The following NEDD9 variants were observed in gnomAD, a reference collection of about 807,000 sequenced individuals.
NEDD9 encodes enhancer of filamentation 1.
A neutral mutation model predicts 76.6 loss-of-function variants in NEDD9; 26 were observed. The observed-to-expected ratio is 0.34, with a 90% CI of 0.25 to 0.47. The LOEUF (loss-of-function observed/expected upper bound fraction) is 0.47. Among genes scored for constraint, NEDD9 ranks in the 20% least tolerant of loss-of-function variants. NEDD9 has a pLI of 1.00. For missense variants in NEDD9, 937 were observed against 1,058.5 expected (o/e 0.89, Z 1.59); for synonymous variants, 392 against 414.2 (o/e 0.95, Z 0.65).
At chr6:11,255,162 T>C (rs955066170) in intron 3 of NEDD9, among the ~76,000 whole-genome samples, 1 of 152,154 alleles carries the variant, frequency 6.6e-6, no homozygotes, top group Admixed American at 6.5e-5. Context: ...ATGAATGGGA[T>C]TGGCCAGAAA....
intron 3 of NEDD9, among the ~76,000 whole-genome samples, chr6:11,250,061 A>T (rs898449386): frequency 1.3e-5 from 2 of 152,224 alleles, no homozygotes; most frequent in Non-Finnish European, 2.9e-5. Flanking sequence ...CTCCACAGGA[A>T]CAGATGTGCA....
At chr6:11,267,163 AG>A (rs1358223888) in intron 3 of NEDD9, among the ~76,000 whole-genome samples, 1 of 152,226 alleles carries the variant, frequency 6.6e-6, no homozygotes, top group Admixed American at 6.5e-5. Flanking sequence ...TTTCTGAAAT[AG>A]GTATCCCTTG....
At chr6:11,363,538 G>A (rs1197359163) in intron 1 of NEDD9, among the ~76,000 whole-genome samples, 1 of 152,158 alleles carries the variant, frequency 6.6e-6, no homozygotes, top group Non-Finnish European at 1.5e-5. Context: ...AATGCACTCT[G>A]AGTGGTTTAA....
chr6:11,355,877 C>T (rs369825429), intron 1 of NEDD9, among the ~76,000 whole-genome samples: 2,635 of 150,906 alleles, frequency 0.017, 80 homozygotes, highest in African/African-American at 0.06. Context: ...CCCGCCACCA[C>T]GCCCGGCTAA....
chr6:11,276,970 C>CAAACAAACA (rs1581994768), intron 3 of NEDD9, among the ~76,000 whole-genome samples: 1 of 149,052 alleles, frequency 6.7e-6, no homozygotes, highest in South Asian at 2.1e-4. Flanking sequence ...AACAAACAAA[C>CAAACAAACA]TAGTGATGGA....
intron 3 of NEDD9, among the ~76,000 whole-genome samples, chr6:11,238,988 C>T (rs1581977833): frequency 6.6e-6 from 1 of 151,750 alleles, no homozygotes; most frequent in African/African-American, 2.4e-5. Context: ...AGCAAGACTC[C>T]AACTCTACAG....
intron 2 of NEDD9, among the ~76,000 whole-genome samples, chr6:11,201,460 C>T (rs1364321685): frequency 2.0e-5 from 3 of 152,152 alleles, no homozygotes; most frequent in South Asian, 2.1e-4. Flanking sequence ...GACTACTTCC[C>T]TCCTTCCATG....
intron 3 of NEDD9, among the ~76,000 whole-genome samples, chr6:11,192,887 C>T (rs1374704617): frequency 5.2e-5 from 6 of 115,776 alleles, no homozygotes; most frequent in South Asian, 3.0e-4. Context: ...GAGCTGAGAT[C>T]GTGCCACTGC....
At chr6:11,256,850 G>GTGACATTC (rs2113316001) in intron 3 of NEDD9, among the ~76,000 whole-genome samples, 2 of 152,292 alleles carry the variant, frequency 1.3e-5, no homozygotes, top group African/African-American at 4.8e-5. Context: ...ATTGATTTAG[G>GTGACATTC]TGACATTCTG....
chr6:11,184,361 G>A lies in NEDD9; in HGVS notation c.*801C>T, dbSNP rs868430490. The A allele has an allele frequency of 4.4e-4, 67 of 152,262 alleles. 1 individual carries two copies. The highest frequency in any genetic ancestry group is 1.6e-3 in the African/African-American group (66 of 41,552). The allele number at this position is 152,262 out of a possible 1,614,324, so 9.4% of individuals were successfully genotyped here. A position where few individuals can be genotyped will look rare whatever the true frequency, so the allele number is the denominator to read the frequency against. ...TTTACAACTCTAAAAACATCTTTTG[G>A]AAAACCTCATGACTGAACCACTCAC... is the stretch of plus-strand genomic sequence containing the variant. On this transcript the variant is annotated 3_prime_UTR_variant, in exon 7 of 7. Coordinates refer to ENST00000379446, the MANE Select transcript of NEDD9 (RefSeq NM_006403.4).
intron 1 of NEDD9, among the ~76,000 whole-genome samples, chr6:11,347,416 A>G (rs1047531299): frequency 6.6e-6 from 1 of 152,228 alleles, no homozygotes; most frequent in African/African-American, 2.4e-5. Flanking sequence ...TTCCCAACTC[A>G]TTCTATGAAG....
intron 1 of NEDD9, among the ~76,000 whole-genome samples, chr6:11,216,741 A>G (rs1299907689): frequency 6.6e-6 from 1 of 152,036 alleles, no homozygotes; most frequent in Non-Finnish European, 1.5e-5. Context: ...GTTTTATTTA[A>G]TTTGCTAGAT....
At chr6:11,335,842 A>G (rs982039336) in intron 1 of NEDD9, among the ~76,000 whole-genome samples, 1 of 152,218 alleles carries the variant, frequency 6.6e-6, no homozygotes, top group East Asian at 1.9e-4. Context: ...TTTTGCACCA[A>G]TCTAATATAT....
At chr6:11,257,634 T>C (rs1242745982) in intron 3 of NEDD9, among the ~76,000 whole-genome samples, 2 of 152,178 alleles carry the variant, frequency 1.3e-5, no homozygotes, top group Admixed American at 1.3e-4. Flanking sequence ...GAGGTCAACC[T>C]GGAAACACTG....
intron 2 of NEDD9, among the ~76,000 whole-genome samples, chr6:11,211,267 C>T (rs959326504): frequency 1.3e-5 from 2 of 152,160 alleles, no homozygotes; most frequent in Admixed American, 6.5e-5. Flanking sequence ...TCTGGAAGGA[C>T]GGGGAGCCAT....
rs76854353 is a variant in NEDD9 at position 11,333,366 on chromosome 6, C to T, written c.-153+1135G>A. Reference sequence around the variant, plus strand: ...CTGAGCCTGAAATGAAAGCCTGGGTCAATTAGTCAGTTTCTTTCCCAATAT... The same window carrying T: ...CTGAGCCTGAAATGAAAGCCTGGGTTAATTAGTCAGTTTCTTTCCCAATAT... On this transcript the variant is annotated intron_variant, in intron 2 of 3. Transcript: ENST00000397378. Among the ~76,000 whole-genome samples, 1,406 of 152,324 alleles carry T rather than the reference C, an allele frequency of 9.2e-3. 12 individuals are homozygous for T. Among genetic ancestry groups the T allele is most frequent in the Admixed American group, 0.013 (200 of 15,306 alleles).
In NEDD9 at chr6:11,370,506, A is replaced by G. The variant is rs2113568629; in HGVS notation, c.-214+11633T>C. ...GTCCAAATGGTTCCCTCACCGACCC[A>G]CTAGGTGCACAAGGCTCTCCTCAAG... is the stretch of plus-strand genomic sequence containing the variant. On this transcript the variant is annotated intron_variant, in intron 1 of 3. Coordinates refer to the NEDD9 transcript ENST00000397378. This position sits in a 1 kb window ranked among gnomAD's most constrained non-coding sequence, Gnocchi z 4.2. 6.6e-6 allele frequency among the ~76,000 whole-genome samples: 1 copy of G among 152,088 alleles called. No individual in the cohort carries two copies. The highest frequency in any genetic ancestry group is 1.9e-4 in the East Asian group (1 of 5,160).
In NEDD9 at chr6:11,319,783, C is replaced by T. The variant is rs377374616; in HGVS notation, c.-152-13628G>A. Among the ~76,000 whole-genome samples the T allele has an allele frequency of 7.9e-5, 12 of 151,674 alleles. No homozygotes were observed. In the East Asian group the frequency reaches 2.3e-3, roughly 29 times the overall value. ...ACACTAACATGCACACTCACGCACACTAACATGCACACTCACACACTGGTG... is the reference window on the plus strand; with the variant it reads ...ACACTAACATGCACACTCACGCACATTAACATGCACACTCACACACTGGTG... On this transcript the variant is annotated intron_variant, in intron 2 of 3. Transcript: ENST00000397378.
chr6:11,365,209 A>C (rs1483012826), intron 1 of NEDD9, among the ~76,000 whole-genome samples: 2 of 152,186 alleles, frequency 1.3e-5, no homozygotes, highest in Non-Finnish European at 2.9e-5. Context: ...TGTTCTAGTT[A>C]ATGCAGAAAC....
Sources: gnomAD v4.1 joint callset for allele counts (sites outside exome capture counted in the v4.1 genomes callset) on GRCh38, gnomAD v4.1.1 for gene constraint, Gnocchi (gnomAD v3.1) non-coding constraint, MANE v1.5 for transcripts, NCBI Gene and HGNC (gene_info 2026-07-23, HGNC 2026-07-21) for gene names.